The following CNTNAP2 variants were observed in gnomAD, a reference collection of about 807,000 sequenced individuals.
CNTNAP2 encodes contactin associated protein 2, also known as contactin-associated protein-like 2.
CNTNAP2 carries 98 observed loss-of-function variants against 155.2 expected under a neutral mutation model. That is an observed-to-expected ratio of 0.63 (90% CI 0.54 to 0.75). The LOEUF is 0.75. CNTNAP2 is among the 30% of genes least tolerant of loss of function. CNTNAP2 has a pLI of 0.00. For missense variants in CNTNAP2, 1,727 were observed against 1,688.1 expected (o/e 1.02, Z -0.40); for synonymous variants, 651 against 631.2 (o/e 1.03, Z -0.47).
intron 3 of CNTNAP2, among the ~76,000 whole-genome samples, chr7:147,016,039 A>G (rs1362627599): frequency 6.6e-6 from 1 of 152,060 alleles, no homozygotes; most frequent in East Asian, 1.9e-4. Flanking sequence ...CCTAATTTTC[A>G]TTGCTTGAGT....
intron 8 of CNTNAP2, among the ~76,000 whole-genome samples, chr7:147,248,063 A>C (rs1804106906): frequency 6.6e-6 from 1 of 151,592 alleles, no homozygotes; most frequent in Non-Finnish European, 1.5e-5. Flanking sequence ...GGGCGTATCC[A>C]CAGAGGGGTA....
At chr7:146,419,305 T>C (rs1292153103) in intron 1 of CNTNAP2, among the ~76,000 whole-genome samples, 2 of 152,054 alleles carry the variant, frequency 1.3e-5, no homozygotes, top group East Asian at 3.9e-4. Context: ...CATCATTCAA[T>C]TATCTCCCAC....
chr7:146,862,040 C>T (rs537471021), intron 3 of CNTNAP2, among the ~76,000 whole-genome samples: 1 of 152,204 alleles, frequency 6.6e-6, no homozygotes, highest in African/African-American at 2.4e-5. Context: ...TAAAGGCTAA[C>T]ATGCCCATTT....
At chr7:147,523,885 G>A (rs1356550777) in intron 11 of CNTNAP2, among the ~76,000 whole-genome samples, 1 of 152,156 alleles carries the variant, frequency 6.6e-6, no homozygotes, top group Non-Finnish European at 1.5e-5. Flanking sequence ...AAATACTGCG[G>A]TGAATCTCAC....
chr7:146,267,508 T>C (rs2129082760), intron 1 of CNTNAP2, among the ~76,000 whole-genome samples: 1 of 152,290 alleles, frequency 6.6e-6, no homozygotes, highest in African/African-American at 2.4e-5. Context: ...TATCTTGAAA[T>C]TTAAACCCCA....
chr7:147,700,407 A>C (rs751682727), intron 13 of CNTNAP2, among the ~76,000 whole-genome samples: 46 of 152,212 alleles, frequency 3.0e-4, no homozygotes, highest in Non-Finnish European at 5.1e-4. Context: ...TAACTGCACC[A>C]GTCCATTCCC....
intron 1 of CNTNAP2, among the ~76,000 whole-genome samples, chr7:146,429,281 T>C (rs1472851306): frequency 2.0e-5 from 3 of 152,206 alleles, no homozygotes; most frequent in African/African-American, 7.2e-5. Context: ...TTTCCAATGG[T>C]AGTTTAATGG....
chr7:147,462,000 G>T (rs1036888342), intron 10 of CNTNAP2, among the ~76,000 whole-genome samples: 1 of 152,076 alleles, frequency 6.6e-6, no homozygotes, highest in African/African-American at 2.4e-5. Flanking sequence ...TACTTTCAAA[G>T]TTTCAGCAAT....
At chr7:148,049,189 T>G (rs897345138) in intron 15 of CNTNAP2, among the ~76,000 whole-genome samples, 3 of 152,210 alleles carry the variant, frequency 2.0e-5, no homozygotes, top group African/African-American at 7.2e-5. Flanking sequence ...CACTGCAGCC[T>G]GGGCGACAAG....
At chr7:148,142,097 G>C (rs941661425) in intron 16 of CNTNAP2, among the ~76,000 whole-genome samples, 11 of 139,368 alleles carry the variant, frequency 7.9e-5, no homozygotes, top group East Asian at 5.1e-4. Flanking sequence ...ATGTCTCTGT[G>C]TGTGTGTGTG....
chr7:148,113,124 T>TA (rs950547003), intron 15 of CNTNAP2, among the ~76,000 whole-genome samples: 15 of 152,126 alleles, frequency 9.9e-5, no homozygotes, highest in African/African-American at 3.1e-4. Context: ...TGCACTGCTG[T>TA]AAAAAAATAC....
intron 15 of CNTNAP2, among the ~76,000 whole-genome samples, chr7:147,979,875 G>A (rs1459258537): frequency 6.6e-6 from 1 of 151,956 alleles, no homozygotes; most frequent in Non-Finnish European, 1.5e-5. Flanking sequence ...CACACGCCTC[G>A]GCCTCCCAAA....
At chr7:147,229,989 G>A (rs1004101891) in intron 8 of CNTNAP2, among the ~76,000 whole-genome samples, 2 of 151,966 alleles carry the variant, frequency 1.3e-5, no homozygotes, top group Non-Finnish European at 2.9e-5. Context: ...CAAACTACGA[G>A]TTTCCAATCT....
At chr7:147,663,996 A>G (rs1795657169) in intron 13 of CNTNAP2, among the ~76,000 whole-genome samples, 1 of 152,202 alleles carries the variant, frequency 6.6e-6, no homozygotes, top group East Asian at 1.9e-4. Flanking sequence ...ACAAAGTTCA[A>G]TTTTCTGTGT....
intron 9 of CNTNAP2, among the ~76,000 whole-genome samples, chr7:147,379,812 AT>A (rs1264920029): frequency 6.6e-6 from 1 of 151,894 alleles, no homozygotes; most frequent in Non-Finnish European, 1.5e-5. Flanking sequence ...TTGATTTCTA[AT>A]TCTGTTTGGC....
rs146830704 is a variant in CNTNAP2, at chr7:148,365,680, G to GTA, written c.3476-17961_3476-17960dup. Among the ~76,000 whole-genome samples the GTA allele has an allele frequency of 8.1e-3, 564 of 69,678 alleles. 21 individuals carry two copies. Among genetic ancestry groups the GTA allele is most frequent in the African/African-American group, 0.024 (513 of 21,054 alleles). 45.7% of individuals were successfully genotyped at this position (69,678 alleles called of 152,430 possible). On this transcript the variant is annotated intron_variant, in intron 21 of 23. Transcript: ENST00000361727. ...ACTCCATCTCATATATACTTGAGATGTATATATATGTATATATGTATACTT... is the reference window on the plus strand; with the variant it reads ...ACTCCATCTCATATATACTTGAGATGTATATATATATGTATATATGTATACTT...
chr7:146,744,446 C>T (rs921047410), intron 1 of CNTNAP2, among the ~76,000 whole-genome samples: 1 of 152,136 alleles, frequency 6.6e-6, no homozygotes, highest in Non-Finnish European at 1.5e-5. Context: ...GATTCTGGCT[C>T]ACTCACTTCT....
At chr7:147,918,507 C>T (rs570567429) in intron 14 of CNTNAP2, among the ~76,000 whole-genome samples, 12 of 152,240 alleles carry the variant, frequency 7.9e-5, no homozygotes, top group African/African-American at 2.9e-4. Context: ...TATGTCCATA[C>T]TCACATAGAC....
chr7:147,236,075 C>A (rs1045608606), intron 8 of CNTNAP2, among the ~76,000 whole-genome samples: 1 of 152,154 alleles, frequency 6.6e-6, no homozygotes, highest in South Asian at 2.1e-4. Context: ...ATATACTTAA[C>A]CCCCAGTTAT....
Sources: gnomAD v4.1 joint callset for allele counts (sites outside exome capture counted in the v4.1 genomes callset) on GRCh38, gnomAD v4.1.1 for gene constraint, MANE v1.5 for transcripts, NCBI Gene and HGNC (gene_info 2026-07-23, HGNC 2026-07-21) for gene names.